CYP1A1: variants seen among roughly 807,000 people sequenced by gnomAD.
CYP1A1 encodes cytochrome P450 1A1.
CYP1A1 carries 43 observed loss-of-function variants against 33.6 expected under a neutral mutation model. That is an observed-to-expected ratio of 1.28 (90% CI 1.00 to 1.65). The LOEUF (loss-of-function observed/expected upper bound fraction) is 1.65, where lower values mean the gene tolerates loss of function less well. Among genes scored for constraint, CYP1A1 ranks in the 40% most tolerant of loss-of-function variants. CYP1A1 has a pLI of 0.00. For missense variants in CYP1A1, 637 were observed against 653.7 expected (o/e 0.97, Z 0.28); for synonymous variants, 280 against 257.8 (o/e 1.09, Z -0.83).
At chr15:74,722,095 A>G in intron 2 of CYP1A1, 178 bp downstream of exon 2, 1 of 620,528 alleles carries the variant, frequency 1.6e-6, no homozygotes, top group African/African-American at 1.8e-5. Context: ...AGGGTTAGTC[A>G]AGATAAAGTT....
Position 74,721,424 on chromosome 15 carries a change from T to A in CYP1A1, c.1032A>T (p.Gln344His), listed in dbSNP as rs775674343. The change falls in exon 4 of 7, where the codon CAA becomes CAT. Residue 344 changes from glutamine to histidine, a missense_variant. Coordinates refer to ENST00000379727, the MANE Select transcript of CYP1A1 (RefSeq NM_001319217.2). ...VMNPRVQRKI[Q>H]EELDTVIGRS... ...GGAGCCACTACCTACCTAGCTCCTC[T>A]TGGATCTTTCTCTGTACCCTGGGGT... 3.7e-6 allele frequency: 6 copies of A among 1,614,166 alleles called. No homozygotes were observed. The South Asian group carries it at 5.5e-5, about 15-fold the overall frequency.
Position 74,722,348 on chromosome 15 carries a change from G to A in CYP1A1, c.750C>T (p.Ala250=). Residue 250 remains alanine (A), a synonymous_variant, in exon 2 of 7, where the codon GCC becomes GCT. Transcript: ENST00000379727. ...AGAACTTCTCATTCAGGTCCTTGAA[G>A]GCATTCAGGGAAGGGTTGGGTAGGT... ...LRYLPNPSLN[A]FKDLNEKFYS... is the part of the protein sequence containing the mutation. 6.2e-7 allele frequency: 1 copy of A among 1,614,134 alleles called. No homozygotes were observed. The highest frequency in any genetic ancestry group is 1.1e-5 in the South Asian group (1 of 91,084).
chr15:74,722,908 A>G lies in CYP1A1; in HGVS notation c.190T>C (p.Ser64Pro), dbSNP rs1465057929. 1.9e-6 allele frequency: 3 copies of G among 1,614,134 alleles called. No homozygotes were observed. The highest frequency in any genetic ancestry group is 8.5e-7 in the Non-Finnish European group (1 of 1,180,010). ...TCCCCATACTGCTGGCTCATCCTTG[A>G]CAGTGCCAGGTGCGGGTTCTTTCCC... The part of the protein sequence containing the change: ...TLGKNPHLAL[S>P]RMSQQYGDVL... The change falls in exon 2 of 7, where the codon TCA becomes CCA. Residue 64 changes from serine (S) to proline (P), a missense_variant. Ser to Pro is a moderately conservative substitution (Grantham distance 74). Coordinates refer to ENST00000379727, the MANE Select transcript of CYP1A1 (RefSeq NM_001319217.2).
chr15:74,722,543 G>T lies in CYP1A1; in HGVS notation c.555C>A (p.Asn185Lys), dbSNP rs140459785. 4.2e-4 allele frequency: 675 copies of T among 1,613,830 alleles called. 3 individuals carry two copies. Among genetic ancestry groups the T allele is most frequent in the Non-Finnish European group, 5.3e-4 (621 of 1,179,966 alleles). ...QELMAGPGHF[N>K]PYRYVVVSVT... is the part of the protein sequence containing the mutation. ...CTGATACCACCACATACCTGTAGGG[G>T]TTAAAGTGCCCAGGCCCTGCCATCA... The change falls in exon 2 of 7, where the codon AAC (asparagine) becomes AAA (lysine). Residue 185 changes from asparagine (N) to lysine (K), a missense_variant. Physicochemically the swap from Asn to Lys is moderately conservative, Grantham distance 94 (BLOSUM62 0). Coordinates refer to ENST00000379727, the MANE Select transcript of CYP1A1 (RefSeq NM_001319217.2).
chr15:74,725,264 T>G (rs1032431142), intron 1 of CYP1A1, 177 bp downstream of exon 1: 2 of 152,456 alleles, frequency 1.3e-5, no homozygotes, highest in Non-Finnish European at 2.9e-5. Context: ...CAAGTCCTCC[T>G]CTTCCCCTGG....
At chr15:74,721,374 A>AC (rs778104045) in intron 4 of CYP1A1, 40 bp downstream of exon 4, 13 of 1,613,670 alleles carry the variant, frequency 8.1e-6, no homozygotes, top group Non-Finnish European at 1.1e-5. Context: ...ACCTGGCCAG[A>AC]CCCCTGGCAC....
rs2063152537 is a variant in CYP1A1, at chr15:74,719,621, C to T, written c.*868G>A. ...TTGGATACCTGGGTTAGAATTTTCC[C>T]TATTACATTAAATCAATGGTTCTTA... On this transcript the variant is annotated 3_prime_UTR_variant, in exon 7 of 7. Coordinates refer to ENST00000379727, the MANE Select transcript of CYP1A1 (RefSeq NM_001319217.2). 1 of 151,500 alleles carries T rather than the reference C, an allele frequency of 6.6e-6. No homozygotes were observed. The highest frequency in any genetic ancestry group is 2.5e-5 in the African/African-American group (1 of 40,814). 9.4% of individuals were successfully genotyped at this position (151,500 alleles called of 1,614,324 possible).
intron 2 of CYP1A1, 150 bp from the exon 3 acceptor site, chr15:74,721,867 G>GCT: frequency 1.0e-6 from 1 of 970,442 alleles, no homozygotes; most frequent in Non-Finnish European, 1.5e-6. Context: ...CCTCTGCAAG[G>GCT]CTCTCTCCTA....
chr15:74,721,837 G>T, intron 2 of CYP1A1, 120 bp from the exon 3 acceptor site: 1 of 1,324,374 alleles, frequency 7.6e-7, no homozygotes, highest in Non-Finnish European at 1.0e-6. Context: ...CCCTGAGGCT[G>T]TTGTCCCAGC....
chr15:74,722,025 G>A (rs867790400), intron 2 of CYP1A1: 5 of 591,308 alleles, frequency 8.5e-6, no homozygotes, highest in African/African-American at 7.4e-5. Flanking sequence ...CTCAGCAACT[G>A]CCCCAGGGTC....
Position 74,722,990 on chromosome 15 carries a change from G to A in CYP1A1, c.108C>T (p.Gly36=). The stretch of plus-strand genomic sequence containing the variant: ...CCCATGGCCCTGGTGGATTCTTCAG[G>A]CCTTTGGGGACCTGAGGTCTTGAGG... ...IRASRPQVPK[G]LKNPPGPWGW... is the part of the protein sequence containing the mutation. The change falls in exon 2 of 7, where the codon GGC becomes GGT. Residue 36 remains glycine (G), a synonymous_variant. Transcript: ENST00000379727. 1 of 1,614,096 alleles carries A rather than the reference G, an allele frequency of 6.2e-7. No individual in the cohort carries two copies. The highest frequency in any genetic ancestry group is 8.5e-7 in the Non-Finnish European group (1 of 1,179,992).
Position 74,721,275 on chromosome 15 carries a change from G to A in CYP1A1, c.1090C>T (p.His364Tyr). ...ATGAAGGCCTCCATATAGGGCAGAT[G>A]GGATCTGTCAGAGAGCCGGGGCCGC... ...SRRPRLSDRSHLPYMEAFILE... is the reference protein window; with the variant it reads ...SRRPRLSDRSYLPYMEAFILE... Residue 364 changes from histidine (H) to tyrosine (Y), a missense_variant, in exon 5 of 7, where the codon CAT becomes TAT. Coordinates refer to ENST00000379727, the MANE Select transcript of CYP1A1 (RefSeq NM_001319217.2). The A allele has an allele frequency of 6.2e-7, 1 of 1,613,898 alleles. No individual in the cohort carries two copies. Among genetic ancestry groups the A allele is most frequent in the Non-Finnish European group, 8.5e-7 (1 of 1,179,888 alleles).
In CYP1A1 at chr15:74,721,262, A is replaced by C; in HGVS notation, c.1103T>G (p.Met368Arg). 6.2e-7 allele frequency: 1 copy of C among 1,613,902 alleles called. No individual in the cohort carries two copies. The highest frequency in any genetic ancestry group is 8.5e-7 in the Non-Finnish European group (1 of 1,179,910). Residue 368 changes from methionine (M) to arginine (R), a missense_variant, in exon 5 of 7, where the codon ATG becomes AGG. Coordinates refer to ENST00000379727, the MANE Select transcript of CYP1A1 (RefSeq NM_001319217.2). The stretch of plus-strand genomic sequence containing the variant: ...GAAGGTCTCCAGGATGAAGGCCTCC[A>C]TATAGGGCAGATGGGATCTGTCAGA... ...RLSDRSHLPY[M>R]EAFILETFRH... is the part of the protein sequence containing the mutation.
chr15:74,720,657 A>ACACTTCC lies in CYP1A1; in HGVS notation c.1364_1370dup (p.Cys457TrpfsTer6), dbSNP rs1166888365. On this transcript the variant is annotated frameshift_variant, in exon 7 of 7. Transcript: ENST00000379727. LOFTEE classifies it high-confidence loss of function. ...CCCAGCGGGCAATGGTCTCACCGAT[A>ACACTTCC]CACTTCCGCTTGCCCATGCCAAAGA... 9.9e-6 allele frequency: 16 copies of ACACTTCC among 1,609,726 alleles called. No homozygotes were observed. The highest frequency in any genetic ancestry group is 1.3e-5 in the Non-Finnish European group (15 of 1,175,940).
At position 74,723,046 on chromosome 15, in the gene CYP1A1, T is replaced by C; in HGVS notation, c.52A>G (p.Ile18Val). 6.2e-7 allele frequency: 1 copy of C among 1,609,746 alleles called. No individual in the cohort carries two copies. The change falls in exon 2 of 7, where the codon ATC (isoleucine) becomes GTC (valine). Residue 18 changes from isoleucine to valine, a missense_variant. By Grantham distance (29) the Ile-to-Val change is conservative (BLOSUM62 3). Transcript: ENST00000379727. ...ATTACCCAGAATACCAGACAGAAGATGACAGAGGCCAGAAGAAACTCCGTG... is the reference window on the plus strand; with the variant it reads ...ATTACCCAGAATACCAGACAGAAGACGACAGAGGCCAGAAGAAACTCCGTG... ...SATEFLLASV[I>V]FCLVFWVIRA...
chr15:74,722,255 C>A lies in CYP1A1; in HGVS notation c.825+18G>T. 6.3e-7 allele frequency: 1 copy of A among 1,594,786 alleles called. No individual in the cohort carries two copies. Among genetic ancestry groups the A allele is most frequent in the Non-Finnish European group, 8.6e-7 (1 of 1,165,050 alleles). On this transcript the variant is annotated intron_variant, in intron 2 of 6. Coordinates refer to ENST00000379727, the MANE Select transcript of CYP1A1 (RefSeq NM_001319217.2). ...CCATCTGCTTCCCACCACCCACCTG[C>A]CTTTCCCCAGACTGTACCTTCTCAA...
Position 74,719,706 on chromosome 15 carries a change from A to T in CYP1A1, c.*783T>A, listed in dbSNP as rs1596346421. On this transcript the variant is annotated 3_prime_UTR_variant, in exon 7 of 7. Coordinates refer to ENST00000379727, the MANE Select transcript of CYP1A1 (RefSeq NM_001319217.2). ...TAGAATAGAAGGATTGTTGTGTACA[A>T]ACATTAAAAATAGACATTTTATTAC... 1 of 152,228 alleles carries T rather than the reference A, an allele frequency of 6.6e-6. No individual in the cohort carries two copies. Among genetic ancestry groups the T allele is most frequent in the African/African-American group, 2.4e-5 (1 of 41,446 alleles). 9.4% of individuals were successfully genotyped at this position (152,228 alleles called of 1,614,324 possible).
Position 74,723,056 on chromosome 15 carries a change from C to G in CYP1A1, c.42G>C (p.Leu14=). 6.2e-7 allele frequency: 1 copy of G among 1,604,210 alleles called. No individual in the cohort carries two copies. The highest frequency in any genetic ancestry group is 1.1e-5 in the South Asian group (1 of 90,420). Residue 14 remains leucine (L), a synonymous_variant, in exon 2 of 7, where the codon CTG becomes CTC. Coordinates refer to ENST00000379727, the MANE Select transcript of CYP1A1 (RefSeq NM_001319217.2). ...ATACCAGACAGAAGATGACAGAGGCCAGAAGAAACTCCGTGGCCGACATGG... is the reference window on the plus strand; with the variant it reads ...ATACCAGACAGAAGATGACAGAGGCGAGAAGAAACTCCGTGGCCGACATGG... ...PISMSATEFL[L]ASVIFCLVFW...
chr15:74,721,598 A>G lies in CYP1A1; in HGVS notation c.945T>C (p.Phe315=), dbSNP rs1294406142. 1.2e-6 allele frequency: 2 copies of G among 1,614,084 alleles called. No individual in the cohort carries two copies. The highest frequency in any genetic ancestry group is 2.7e-5 in the African/African-American group (2 of 74,914). The change falls in exon 3 of 7, where the codon TTT becomes TTC. Residue 315 remains phenylalanine, a synonymous_variant. Transcript: ENST00000379727. ...ACAATGGGGTAACCATACCAGCTCC[A>G]AAGAGGTCCAAGACGATGTTAATGA... The part of the protein sequence containing the change: ...EKIINIVLDL[F]GAGFDTVTTA...
Sources: gnomAD v4.1 joint callset for allele counts on GRCh38, gnomAD v4.1.1 for gene constraint, MANE v1.5 for transcripts, NCBI Gene and HGNC (gene_info 2026-07-23, HGNC 2026-07-21) for gene names.